OTX2: variants seen among roughly 807,000 people sequenced by gnomAD.
OTX2 encodes orthodenticle homeobox 2.
In OTX2, 4 loss-of-function variants were observed where a neutral mutation model predicts 29.0. The observed-to-expected ratio is 0.14, with a 90% CI of 0.07 to 0.32. The LOEUF is 0.32. Among genes scored for constraint, OTX2 ranks in the 10% least tolerant of loss-of-function variants. The pLI, the probability that OTX2 is intolerant of heterozygous loss-of-function variation, is 1.00. For synonymous variants in OTX2, 134 were observed against 141.0 expected, an observed-to-expected ratio of 0.95 and a Z score of 0.35; for missense variants, 298 against 365.9, an observed-to-expected ratio of 0.81 and a Z score of 1.51.
chr14:56,805,538 G>A lies in OTX2; in HGVS notation c.-82C>T, dbSNP rs540831263. 2.9e-5 allele frequency: 24 copies of A among 837,090 alleles called. No homozygotes were observed. The allele number at this position is 837,090 out of a possible 1,614,324, so 51.9% of individuals were successfully genotyped here. On this transcript the variant is annotated 5_prime_UTR_variant, in exon 3 of 5. Transcript: ENST00000672264. ...ATCTTGATGCGCCCGGGGTGGACAGGTTCAGAGTCCTTGGTGGGTGGGTTT... is the reference window on the plus strand; with the variant it reads ...ATCTTGATGCGCCCGGGGTGGACAGATTCAGAGTCCTTGGTGGGTGGGTTT...
rs1430817703 is a variant in OTX2 at position 56,802,683 on chromosome 14, C to A, written c.274-328G>T. On this transcript the variant is annotated intron_variant, in intron 4 of 4. Transcript: ENST00000672264. The surrounding 1 kb of genome is among the most constrained non-coding windows in gnomAD (Gnocchi z 4.4). ...AACACACACATACACATAGACCCAGCTATATTTTGGAACACTCTCACAGAG... is the reference window on the plus strand; with the variant it reads ...AACACACACATACACATAGACCCAGATATATTTTGGAACACTCTCACAGAG... 1.3e-5 allele frequency among the ~76,000 whole-genome samples: 2 copies of A among 152,172 alleles called. No homozygotes were observed. Among genetic ancestry groups the A allele is most frequent in the South Asian group, 2.1e-4 (1 of 4,836 alleles).
Position 56,802,155 on chromosome 14 carries a change from A to T in OTX2, c.474T>A (p.Ser158=). ...GGGAGATGGAAGCTGGGCTCCAGAT[A>T]GACACAGGAGCACTGCTGCTGGCAA... The part of the protein sequence containing the change: ...PTIASSSAPV[S]IWSPASISPL... The change falls in exon 5 of 5, where the codon TCT becomes TCA. Residue 158 remains serine, a synonymous_variant. Transcript: ENST00000672264. The surrounding 1 kb of genome is among the most constrained non-coding windows in gnomAD (Gnocchi z 4.4). The T allele has an allele frequency of 6.2e-7, 1 of 1,614,108 alleles. No homozygotes were observed. The highest frequency in any genetic ancestry group is 8.5e-7 in the Non-Finnish European group (1 of 1,179,948).
intron 4 of OTX2, among the ~76,000 whole-genome samples, chr14:56,803,192 C>A (rs1432604256): frequency 6.6e-6 from 1 of 152,168 alleles, no homozygotes; most frequent in East Asian, 1.9e-4. Context: ...GATTGGTGTA[C>A]GAGGGGGCTT....
rs1892019552 is a variant in OTX2, at chr14:56,804,753, T to C, written c.98-390A>G. On this transcript the variant is annotated intron_variant, in intron 3 of 4. Transcript: ENST00000672264. The surrounding 1 kb of genome is among the most constrained non-coding windows in gnomAD (Gnocchi z 4.1). ...GGGGGAAATCTGGATCCTGTTCCCA[T>C]GGTTTTTAGCACACCATGGGCCTTT... 1.3e-5 allele frequency among the ~76,000 whole-genome samples: 2 copies of C among 152,162 alleles called. No homozygotes were observed. Among genetic ancestry groups the C allele is most frequent in the African/African-American group, 4.8e-5 (2 of 41,444 alleles).
In OTX2 at chr14:56,802,186, G is replaced by A. The variant is rs201721391; in HGVS notation, c.443C>T (p.Pro148Leu). The change falls in exon 5 of 5, where the codon CCG (proline) becomes CTG (leucine). Residue 148 changes from proline (P) to leucine (L), a missense_variant. Transcript: ENST00000672264. This position sits in a 1 kb window ranked among gnomAD's most constrained non-coding sequence, Gnocchi z 4.4. ...QFTPPSSTSV[P>L]TIASSSAPVS... ...AGGAGCACTGCTGCTGGCAATGGTC[G>A]GGACTGAGGTGCTAGAGGGGGGAGT... The A allele has an allele frequency of 5.8e-5, 94 of 1,613,994 alleles. No individual in the cohort carries two copies. The highest frequency in any genetic ancestry group is 7.6e-5 in the Non-Finnish European group (90 of 1,179,988).
chr14:56,799,998 T>G lies in OTX2; in HGVS notation c.*1737A>C, dbSNP rs946285892. On this transcript the variant is annotated 3_prime_UTR_variant, in exon 5 of 5. Coordinates refer to ENST00000672264, the MANE Select transcript of OTX2 (RefSeq NM_021728.4). ...GAGCTTAAGCAGCTTAAAATGAAAT[T>G]AAATATTGCTTTTACCTGAGGAGCA... 6.6e-6 allele frequency: 1 copy of G among 152,118 alleles called. No individual in the cohort carries two copies. Among genetic ancestry groups the G allele is most frequent in the African/African-American group, 2.4e-5 (1 of 41,416 alleles). 9.4% of individuals were successfully genotyped at this position (152,118 alleles called of 1,614,324 possible). A position where few individuals can be genotyped will look rare whatever the true frequency, so the allele number is the denominator to read the frequency against.
intron 2 of OTX2, among the ~76,000 whole-genome samples, chr14:56,809,599 G>A (rs1029603035): frequency 6.6e-5 from 10 of 152,150 alleles, no homozygotes; most frequent in Admixed American, 1.3e-4. Flanking sequence ...GGGGCCGACA[G>A]GGGCTCGAGC....
intron 2 of OTX2, among the ~76,000 whole-genome samples, chr14:56,809,916 C>G (rs1406228618): frequency 6.6e-6 from 1 of 152,196 alleles, no homozygotes; most frequent in Non-Finnish European, 1.5e-5. Flanking sequence ...TTTGCAGAAG[C>G]GACGACCCCC....
rs1215947126 is a variant in OTX2 at position 56,800,772 on chromosome 14, A to C, written c.*963T>G. On this transcript the variant is annotated 3_prime_UTR_variant, in exon 5 of 5. Coordinates refer to ENST00000672264, the MANE Select transcript of OTX2 (RefSeq NM_021728.4). ...AAATCCAGGAAGAAAAGGTTTATGC[A>C]TATATAACTTTTCCATTTAACATCT... 1 of 152,640 alleles carries C rather than the reference A, an allele frequency of 6.6e-6. No homozygotes were observed. The highest frequency in any genetic ancestry group is 2.4e-5 in the African/African-American group (1 of 41,458). The allele number at this position is 152,640 out of a possible 1,614,324, so 9.5% of individuals were successfully genotyped here.
Position 56,801,764 on chromosome 14 carries a change from T to C in OTX2, c.865A>G (p.Thr289Ala). ...NADCLDYKDQ[T>A]SSWKFQVL Reference sequence around the variant, plus strand: ...AAAACCTGGAATTTCCACGAGGATGTCTGATCTTTATAATCCAAGCAGTCA... The same window carrying C: ...AAAACCTGGAATTTCCACGAGGATGCCTGATCTTTATAATCCAAGCAGTCA... Residue 289 changes from threonine (T) to alanine (A), a missense_variant, in exon 5 of 5, where the codon ACA becomes GCA. Thr to Ala is a moderately conservative substitution (Grantham distance 58). Around this residue, in one of 3 missense-constraint regions of OTX2, gnomAD observed 219 missense variants for 223.5 expected, o/e 0.98. Coordinates refer to ENST00000672264, the MANE Select transcript of OTX2 (RefSeq NM_021728.4). The surrounding 1 kb of genome is among the most constrained non-coding windows in gnomAD (Gnocchi z 4.2). The C allele has an allele frequency of 6.2e-7, 1 of 1,614,146 alleles. No individual in the cohort carries two copies. The highest frequency in any genetic ancestry group is 8.5e-7 in the Non-Finnish European group (1 of 1,180,040).
At chr14:56,808,440 G>C (rs893044882) in intron 2 of OTX2, among the ~76,000 whole-genome samples, 3 of 151,856 alleles carry the variant, frequency 2.0e-5, no homozygotes, top group Non-Finnish European at 4.4e-5. Context: ...GCCTCTCTCC[G>C]GCGAACTCGA....
At chr14:56,808,728 A>G (rs1892174639) in intron 2 of OTX2, among the ~76,000 whole-genome samples, 1 of 152,086 alleles carries the variant, frequency 6.6e-6, no homozygotes, top group Non-Finnish European at 1.5e-5. Context: ...AATTTCTAGG[A>G]GCGACTTCCC....
intron 4 of OTX2, among the ~76,000 whole-genome samples, chr14:56,803,843 C>T (rs1891978207): frequency 6.6e-6 from 1 of 152,092 alleles, no homozygotes. Context: ...TTGGACTGTC[C>T]AAGAGCTAAG....
At position 56,801,574 on chromosome 14, in the gene OTX2, C is replaced by T; in HGVS notation, c.*161G>A. On this transcript the variant is annotated 3_prime_UTR_variant, in exon 5 of 5. Transcript: ENST00000672264. This position sits in a 1 kb window ranked among gnomAD's most constrained non-coding sequence, Gnocchi z 4.2. ...ATTTCATGTTGCTGGTTTGTAGGCC[C>T]CTCTAAGGCCCTTCGTTTTTCCTTC... 1 of 732,324 alleles carries T rather than the reference C, an allele frequency of 1.4e-6. No individual in the cohort carries two copies. The highest frequency in any genetic ancestry group is 1.8e-5 in the African/African-American group (1 of 56,626). 45.4% of individuals were successfully genotyped at this position (732,324 alleles called of 1,614,324 possible). A position where few individuals can be genotyped will look rare whatever the true frequency, so the allele number is the denominator to read the frequency against.
At chr14:56,809,147 C>T (rs988503278) in intron 2 of OTX2, among the ~76,000 whole-genome samples, 4 of 152,116 alleles carry the variant, frequency 2.6e-5, no homozygotes, top group Admixed American at 1.3e-4. Context: ...CAGAGAACAG[C>T]TGAGGGGCCG....
rs758459170 is a variant in OTX2, at chr14:56,804,166, G to A, written c.273+22C>T. The A allele has an allele frequency of 6.2e-7, 1 of 1,613,686 alleles. No individual in the cohort carries two copies. Among genetic ancestry groups the A allele is most frequent in the Admixed American group, 1.7e-5 (1 of 60,030 alleles). On this transcript the variant is annotated intron_variant, in intron 4 of 4. Transcript: ENST00000672264. This position sits in a 1 kb window ranked among gnomAD's most constrained non-coding sequence, Gnocchi z 4.1. ...AAGGGTGGCATGATCAGGAAGGATG[G>A]TTCTGCCTGCATCTGCCCTACCTGC...
At chr14:56,809,914 A>G (rs548375879) in intron 2 of OTX2, among the ~76,000 whole-genome samples, 1 of 152,204 alleles carries the variant, frequency 6.6e-6, no homozygotes, top group Non-Finnish European at 1.5e-5. Flanking sequence ...GTTTTGCAGA[A>G]GCGACGACCC....
chr14:56,807,441 C>A (rs1460133064), intron 2 of OTX2, among the ~76,000 whole-genome samples: 1 of 152,004 alleles, frequency 6.6e-6, no homozygotes, highest in Non-Finnish European at 1.5e-5. Context: ...TCAGATGTAC[C>A]CTTGAGAAAT....
rs1892005898 is a variant in OTX2, at chr14:56,804,420, C to G, written c.98-57G>C. ...AGGCGTTTCCGCGGGTTCTCCGACG[C>G]CCCTGCCCTCCACCCCGCAGCAGTC... On this transcript the variant is annotated intron_variant, in intron 3 of 4. Coordinates refer to ENST00000672264, the MANE Select transcript of OTX2 (RefSeq NM_021728.4). The surrounding 1 kb of genome is among the most constrained non-coding windows in gnomAD (Gnocchi z 4.1). The G allele has an allele frequency of 1.3e-6, 2 of 1,496,222 alleles. No homozygotes were observed. The highest frequency in any genetic ancestry group is 1.8e-6 in the Non-Finnish European group (2 of 1,098,350). The allele number at this position is 1,496,222 out of a possible 1,614,324, so 92.7% of individuals were successfully genotyped here.
Sources: gnomAD v4.1 joint callset for allele counts (sites outside exome capture counted in the v4.1 genomes callset) on GRCh38, gnomAD v4.1.1 for gene constraint, gnomAD v4.1.1 regional missense constraint, Gnocchi (gnomAD v3.1) non-coding constraint, MANE v1.5 for transcripts, NCBI Gene and HGNC (gene_info 2026-07-23, HGNC 2026-07-21) for gene names.